SGCG: variants seen among roughly 807,000 people sequenced by gnomAD.
The protein encoded by SGCG is sarcoglycan gamma.
A neutral mutation model predicts 29.3 loss-of-function variants in SGCG; 26 were observed. The observed-to-expected ratio is 0.89, with a 90% CI of 0.65 to 1.23. SGCG has a LOEUF of 1.23. Ranked by LOEUF, SGCG falls within the 50% of genes most tolerant of loss-of-function variation. The probability of loss-of-function intolerance (pLI) is 0.00; values close to 1 mark genes in which losing one functional copy is unlikely to be tolerated. For synonymous variants in SGCG, 145 were observed against 129.7 expected, an observed-to-expected ratio of 1.12 and a Z score of -0.80; for missense variants, 353 against 356.0, an observed-to-expected ratio of 0.99 and a Z score of 0.07.
intron 1 of SGCG, among the ~76,000 whole-genome samples, chr13:23,199,971 G>A (rs1457895045): frequency 6.6e-6 from 1 of 152,146 alleles, no homozygotes; most frequent in Non-Finnish European, 1.5e-5. Context: ...CCAGACTGAA[G>A]GAGATCTTGC....
rs1053993621 is a variant in SGCG at position 23,240,876 on chromosome 13, G to A, written c.297+6164G>A. 9.9e-5 allele frequency among the ~76,000 whole-genome samples: 15 copies of A among 152,132 alleles called. No homozygotes were observed. In the East Asian group the frequency reaches 1.2e-3, roughly 12 times the overall value. ...ATATTAAAAAAGAAGAAAATTGGCC[G>A]GGTGCGGTGGCTCACGCCTGTAATC... On this transcript the variant is annotated intron_variant, in intron 3 of 7. Coordinates refer to ENST00000218867, the MANE Select transcript of SGCG (RefSeq NM_000231.3).
intron 5 of SGCG, among the ~76,000 whole-genome samples, chr13:23,281,586 G>A (rs1881307881): frequency 6.6e-6 from 1 of 152,108 alleles, no homozygotes; most frequent in Admixed American, 6.5e-5. Context: ...TAGAAGAGCA[G>A]TCCCCAACCA....
chr13:23,269,560 C>G (rs1250697151), intron 4 of SGCG, among the ~76,000 whole-genome samples: 1 of 152,200 alleles, frequency 6.6e-6, no homozygotes, highest in Admixed American at 6.5e-5. Context: ...CAAAAAATGA[C>G]CACATATATG....
At chr13:23,309,015 T>C (rs1882458079) in intron 6 of SGCG, among the ~76,000 whole-genome samples, 1 of 152,166 alleles carries the variant, frequency 6.6e-6, no homozygotes, top group South Asian at 2.1e-4. Flanking sequence ...ACACAGCCTT[T>C]TATATGTCCT....
chr13:23,174,714 C>T, the SGCG span, among the ~76,000 whole-genome samples: 5 of 152,008 alleles, frequency 3.3e-5, no homozygotes, highest in Non-Finnish European at 4.4e-5. Flanking sequence ...AAGTAGATTC[C>T]ATTTGGAACT....
chr13:23,285,813 C>T (rs1881475709), intron 5 of SGCG, among the ~76,000 whole-genome samples: 1 of 152,168 alleles, frequency 6.6e-6, no homozygotes, highest in Non-Finnish European at 1.5e-5. Context: ...GGCTGAATAG[C>T]ACCATCCTTC....
At chr13:23,286,010 G>T (rs1365280559) in intron 5 of SGCG, among the ~76,000 whole-genome samples, 1 of 152,136 alleles carries the variant, frequency 6.6e-6, no homozygotes, top group Non-Finnish European at 1.5e-5. Flanking sequence ...CCCATCTTCT[G>T]CATTAATCTC....
chr13:23,165,256 T>C, the SGCG span, among the ~76,000 whole-genome samples: 3 of 152,162 alleles, frequency 2.0e-5, no homozygotes, highest in African/African-American at 7.2e-5. Context: ...GTTAAAACAT[T>C]TGGGTAAAGA....
chr13:23,222,681 G>A (rs1365187245), intron 2 of SGCG, among the ~76,000 whole-genome samples: 1 of 151,892 alleles, frequency 6.6e-6, no homozygotes, highest in Non-Finnish European at 1.5e-5. Flanking sequence ...CAAAAAATTA[G>A]CCAGGCGTAG....
the SGCG span, among the ~76,000 whole-genome samples, chr13:23,170,955 A>G: frequency 1.2e-3 from 178 of 152,330 alleles, no homozygotes; most frequent in Middle Eastern, 3.4e-3. Context: ...TGTCGATTTG[A>G]AAGCTAAACT....
chr13:23,302,681 A>G (rs940364482), intron 6 of SGCG, among the ~76,000 whole-genome samples: 2 of 152,128 alleles, frequency 1.3e-5, no homozygotes, highest in African/African-American at 2.4e-5. Flanking sequence ...GAAAAAATCA[A>G]TATATTAAGA....
intron 4 of SGCG, among the ~76,000 whole-genome samples, chr13:23,270,304 C>G (rs898725365): frequency 6.6e-6 from 1 of 152,168 alleles, no homozygotes; most frequent in Non-Finnish European, 1.5e-5. Context: ...AGATTCCCAG[C>G]GGCGGTGTAG....
intron 1 of SGCG, among the ~76,000 whole-genome samples, chr13:23,192,653 C>T (rs1684772275): frequency 6.6e-6 from 1 of 152,170 alleles, no homozygotes; most frequent in South Asian, 2.1e-4. Context: ...GCCTCAGCCT[C>T]CCAGAGTGCT....
intron 2 of SGCG, among the ~76,000 whole-genome samples, chr13:23,227,923 C>A (rs9652064): frequency 1.3e-5 from 2 of 152,034 alleles, no homozygotes; most frequent in East Asian, 3.9e-4. Context: ...GGATCCTCCC[C>A]GCTCAGCCTC....
At position 23,281,911 on chromosome 13, in the gene SGCG, G is replaced by C. The variant is rs534716603; in HGVS notation, c.505+2433G>C. Among the ~76,000 whole-genome samples the C allele has an allele frequency of 4.6e-5, 7 of 152,278 alleles. No individual in the cohort carries two copies. In the South Asian group the frequency reaches 1.5e-3, roughly 32 times the overall value. ...TATGGCCCAGGGATCCAGAGTCCCT[G>C]CTCTAGAACATGCTTTCAAGTTATC... On this transcript the variant is annotated intron_variant, in intron 5 of 7. Transcript: ENST00000218867.
intron 2 of SGCG, among the ~76,000 whole-genome samples, chr13:23,231,759 T>C (rs9552883): frequency 0.086 from 13,030 of 152,190 alleles, 674 homozygotes; most frequent in Non-Finnish European, 0.11. Context: ...CAAACAGCAG[T>C]TGTCAACCTC....
intron 2 of SGCG, among the ~76,000 whole-genome samples, chr13:23,220,612 A>G (rs1218016486): frequency 1.3e-5 from 2 of 152,176 alleles, no homozygotes; most frequent in Non-Finnish European, 2.9e-5. Flanking sequence ...TCAATAAATA[A>G]ATTGACAAAT....
At chr13:23,211,481 A>AC (rs946734944) in intron 2 of SGCG, among the ~76,000 whole-genome samples, 17 of 149,704 alleles carry the variant, frequency 1.1e-4, no homozygotes, top group Non-Finnish European at 7.4e-5. Flanking sequence ...GGAGAGCTTG[A>AC]CCCCCCCTTT....
At chr13:23,316,981 C>T (rs1882839894) in intron 6 of SGCG, among the ~76,000 whole-genome samples, 2 of 152,078 alleles carry the variant, frequency 1.3e-5, no homozygotes, top group African/African-American at 4.8e-5. Context: ...CCAAGGTGGG[C>T]AGATCATGAG....
Sources: allele counts gnomAD v4.1 joint callset (sites outside exome capture counted in the v4.1 genomes callset), GRCh38; gene constraint gnomAD v4.1.1; transcripts MANE v1.5; gene names NCBI Gene and HGNC (gene_info 2026-07-23, HGNC 2026-07-21).